Variants in IAH1 observed in about 807,000 individuals in gnomAD.
The protein encoded by IAH1 is isoamyl acetate-hydrolyzing esterase 1 homolog.
Under a neutral mutation model 26.7 loss-of-function variants are expected in IAH1, and 24 were observed. That is an observed-to-expected ratio of 0.90 (90% CI 0.65 to 1.26). The LOEUF (loss-of-function observed/expected upper bound fraction) is 1.26. IAH1 is among the 50% of genes most tolerant of loss of function. The pLI, the probability that IAH1 is intolerant of heterozygous loss-of-function variation, is 0.00. For missense variants in IAH1, 300 were observed against 299.9 expected (o/e 1.00, Z 0.00); for synonymous variants, 140 against 118.5 (o/e 1.18, Z -1.18).
the IAH1 span, among the ~76,000 whole-genome samples, chr2:9,502,879 CAAAAAAAAAA>C: frequency 2.3e-5 from 1 of 43,594 alleles, no homozygotes; most frequent in Non-Finnish European, 4.0e-5. Context: ...AATTCTGTCT[CAAAAAAAAAA>C]AAAAAAAAAA....
chr2:9,506,893 C>T, the IAH1 span: 1 of 152,132 alleles, frequency 6.6e-6, no homozygotes, highest in Non-Finnish European at 1.5e-5. Context: ...ATAAAAGGAC[C>T]AACCCGCAAC....
Position 9,488,413 on chromosome 2 carries a change from T to C in IAH1, c.*84T>C. ...TAGAGGTACGCTTTTTTCCTCAGGCTTAAACCTTTGCCACTGATATTAATA... is the reference window on the plus strand; with the variant it reads ...TAGAGGTACGCTTTTTTCCTCAGGCCTAAACCTTTGCCACTGATATTAATA... On this transcript the variant is annotated 3_prime_UTR_variant, in exon 6 of 6. Transcript: ENST00000497473. The C allele has an allele frequency of 9.1e-7, 1 of 1,103,630 alleles. No individual in the cohort carries two copies. The highest frequency in any genetic ancestry group is 2.5e-5 in the East Asian group (1 of 40,350). 68.4% of individuals were successfully genotyped at this position (1,103,630 alleles called of 1,614,324 possible). A position where few individuals can be genotyped will look rare whatever the true frequency, so the allele number is the denominator to read the frequency against.
Position 9,484,489 on chromosome 2 carries a change from A to AT in IAH1, c.503_504insT (p.Gln168HisfsTer9). The AT allele has an allele frequency of 1.2e-6, 2 of 1,614,198 alleles. No homozygotes were observed. Among genetic ancestry groups the AT allele is most frequent in the Non-Finnish European group, 1.7e-6 (2 of 1,180,032 alleles). On this transcript the variant is annotated frameshift_variant, in exon 5 of 6. Coordinates refer to ENST00000497473, the MANE Select transcript of IAH1 (RefSeq NM_001039613.3). LOFTEE classifies it high-confidence loss of function. Reference sequence around the variant, plus strand: ...GGTGAATATGCCAATGCGTGTTTACAAGTGGCCCAAGACTGTGGGACTGAC... The same window carrying AT: ...GGTGAATATGCCAATGCGTGTTTACATAGTGGCCCAAGACTGTGGGACTGAC...
downstream of IAH1, chr2:9,490,208 T>C (rs2124947605): frequency 1.3e-6 from 2 of 1,599,986 alleles, no homozygotes; most frequent in Admixed American, 3.3e-5. Flanking sequence ...GTCAACACGA[T>C]TCTGACGCTG....
chr2:9,501,440 A>G (rs1292065345), downstream of IAH1, among the ~76,000 whole-genome samples: 2 of 152,138 alleles, frequency 1.3e-5, no homozygotes, highest in East Asian at 1.9e-4. Context: ...GTACCCAGAG[A>G]AACACACAGG....
At chr2:9,491,132 T>A (rs1331397421), downstream of IAH1, 1 of 1,613,110 alleles carries the variant, frequency 6.2e-7, no homozygotes, top group Non-Finnish European at 8.5e-7. Context: ...AGATTCATAC[T>A]GTTTATCCAA....
At chr2:9,477,822 G>A (rs4545978) in intron 2 of IAH1, among the ~76,000 whole-genome samples, 23,445 of 152,094 alleles carry the variant, frequency 0.15, 3,244 homozygotes, top group African/African-American at 0.36. Context: ...TCTATAGACT[G>A]TTTAAATATA....
the IAH1 span, chr2:9,502,157 C>A: frequency 6.2e-7 from 1 of 1,607,186 alleles, no homozygotes; most frequent in Non-Finnish European, 8.5e-7. Context: ...TCCAAGGAAG[C>A]AACAAGAACA....
At chr2:9,505,306 C>T in the IAH1 span, 40 of 1,614,094 alleles carry the variant, frequency 2.5e-5, no homozygotes, top group Non-Finnish European at 3.2e-5. Flanking sequence ...CTTGAAAACA[C>T]TCCTGGGCCT....
At chr2:9,485,401 C>T (rs1015680531) in intron 5 of IAH1, 1 of 152,496 alleles carries the variant, frequency 6.6e-6, no homozygotes, top group Non-Finnish European at 1.5e-5. Flanking sequence ...CACCTGTAAT[C>T]CCATCACTTT....
At chr2:9,490,315 C>T, downstream of IAH1, 3 of 1,614,116 alleles carry the variant, frequency 1.9e-6, no homozygotes, top group Non-Finnish European at 8.5e-7. Context: ...GGAAGGGGTC[C>T]TTCTCAAACC....
chr2:9,494,809 ACCTGC>A, exon 6 of IAH1: 3 of 1,603,578 alleles, frequency 1.9e-6, no homozygotes, highest in Non-Finnish European at 2.6e-6. Flanking sequence ...TTGTTCTGAG[ACCTGC>A]CTCTCCTCCT....
rs773465936 is a variant in IAH1 at position 9,488,294 on chromosome 2, C to T, written c.712C>T (p.Pro238Ser). ...PYWRDVAEAKPELSLLGDGDH is the reference protein window; with the variant it reads ...PYWRDVAEAKSELSLLGDGDH ...CTGGCGGGATGTAGCAGAAGCAAAA[C>T]CTGAATTAAGTCTGCTGGGAGATGG... Residue 238 changes from proline (P) to serine (S), a missense_variant, in exon 6 of 6, where the codon CCT becomes TCT. Coordinates refer to ENST00000497473, the MANE Select transcript of IAH1 (RefSeq NM_001039613.3). The T allele has an allele frequency of 5.6e-6, 9 of 1,611,572 alleles. No individual in the cohort carries two copies. The Middle Eastern group carries it at 5.0e-4, about 89-fold the overall frequency.
chr2:9,488,445 G>C lies in IAH1; in HGVS notation c.*116G>C, dbSNP rs1473733743. On this transcript the variant is annotated 3_prime_UTR_variant, in exon 6 of 6. Coordinates refer to ENST00000497473, the MANE Select transcript of IAH1 (RefSeq NM_001039613.3). ...TTTGCCACTGATATTAATAATAAAAGTATTAGATGATTTTTCAGGGAAGTT... is the reference window on the plus strand; with the variant it reads ...TTTGCCACTGATATTAATAATAAAACTATTAGATGATTTTTCAGGGAAGTT... 8 of 728,468 alleles carry C rather than the reference G, an allele frequency of 1.1e-5. No individual in the cohort carries two copies. The allele number at this position is 728,468 out of a possible 1,614,324, so 45.1% of individuals were successfully genotyped here.
the IAH1 span, among the ~76,000 whole-genome samples, chr2:9,508,994 A>AG: frequency 2.0e-5 from 3 of 152,006 alleles, no homozygotes; most frequent in African/African-American, 7.2e-5. Context: ...AAAAAGCCAA[A>AG]AAAAAATGAG....
chr2:9,489,848 GT>G (rs1370983004), downstream of IAH1: 8 of 198,690 alleles, frequency 4.0e-5, no homozygotes, highest in Non-Finnish European at 6.3e-5. Flanking sequence ...AGTCAGTGCT[GT>G]TATCAATATA....
exon 6 of IAH1, chr2:9,494,860 G>C (rs886529121): frequency 1.4e-4 from 212 of 1,476,838 alleles, no homozygotes; most frequent in Admixed American, 1.9e-4. Context: ...CTCCCAAAGA[G>C]GTAAGAAATC....
intron 5 of IAH1, among the ~76,000 whole-genome samples, 168 bp from the exon 6 acceptor site, chr2:9,487,979 G>A (rs1661706958): frequency 6.6e-6 from 1 of 152,050 alleles, no homozygotes; most frequent in Admixed American, 6.6e-5. Context: ...GAATACAGGT[G>A]TTTGCCACCA....
downstream of IAH1, chr2:9,490,354 G>A (rs1340177106): frequency 1.2e-6 from 2 of 1,614,032 alleles, no homozygotes; most frequent in African/African-American, 1.3e-5. Context: ...AGTCTGTGCT[G>A]GGGTCTTCCT....
Sources: allele counts gnomAD v4.1 joint callset (sites outside exome capture counted in the v4.1 genomes callset), GRCh38; gene constraint gnomAD v4.1.1; transcripts MANE v1.5; gene names NCBI Gene and HGNC (gene_info 2026-07-23, HGNC 2026-07-21).